Variants in FSTL4 observed in about 807,000 individuals in gnomAD.
FSTL4 encodes follistatin like 4, also known as follistatin-related protein 4.
In FSTL4, 28 loss-of-function variants were observed where a neutral mutation model predicts 78.2. The ratio of observed to expected loss-of-function variants is 0.36; its 90% CI spans 0.27 to 0.49. FSTL4 has a LOEUF of 0.49. Among genes scored for constraint, FSTL4 ranks in the 20% least tolerant of loss-of-function variants. FSTL4 has a pLI of 0.98. For missense variants in FSTL4, 922 were observed against 1,084.9 expected, an observed-to-expected ratio of 0.85 and a Z score of 2.11; for synonymous variants, 422 against 440.5, an observed-to-expected ratio of 0.96 and a Z score of 0.53.
intron 3 of FSTL4, among the ~76,000 whole-genome samples, chr5:133,502,273 A>G (rs899855574): frequency 6.6e-6 from 1 of 152,232 alleles, no homozygotes; most frequent in African/African-American, 2.4e-5. Context: ...CCCTTCAAGC[A>G]GAGAGCTTTG....
At chr5:133,494,612 C>T (rs937154457) in intron 3 of FSTL4, among the ~76,000 whole-genome samples, 3 of 152,196 alleles carry the variant, frequency 2.0e-5, no homozygotes, top group Admixed American at 1.3e-4. Context: ...GTCTTTTGAC[C>T]TTCTGGGATT....
intron 3 of FSTL4, among the ~76,000 whole-genome samples, chr5:133,493,427 T>C (rs1041003693): frequency 1.3e-5 from 2 of 152,208 alleles, no homozygotes; most frequent in East Asian, 1.9e-4. Context: ...GTGTAAGTAG[T>C]GTAAATTCAA....
At chr5:133,650,769 G>T in the FSTL4 span, among the ~76,000 whole-genome samples, 1 of 152,102 alleles carries the variant, frequency 6.6e-6, no homozygotes, top group East Asian at 1.9e-4. Context: ...GGCTATTCTG[G>T]GTCTTTTGCC....
intron 2 of FSTL4, among the ~76,000 whole-genome samples, chr5:133,601,188 G>T (rs770021895): frequency 2.2e-4 from 33 of 152,198 alleles, no homozygotes; most frequent in Non-Finnish European, 3.2e-4. Context: ...CTGATGGTCT[G>T]GTCTGAATTT....
At chr5:133,442,624 G>A (rs1317691656) in intron 3 of FSTL4, among the ~76,000 whole-genome samples, 11 of 152,194 alleles carry the variant, frequency 7.2e-5, no homozygotes, top group Admixed American at 6.5e-4. Context: ...AAATGCTCAC[G>A]CAGTGGTACA....
intron 6 of FSTL4, among the ~76,000 whole-genome samples, chr5:133,310,652 T>C (rs1753757504): frequency 6.6e-6 from 1 of 152,232 alleles, no homozygotes; most frequent in South Asian, 2.1e-4. Context: ...TCTGGGACAT[T>C]AAGTAATGAT....
At chr5:133,765,254 T>C in the FSTL4 span, among the ~76,000 whole-genome samples, 9 of 152,252 alleles carry the variant, frequency 5.9e-5, no homozygotes, top group African/African-American at 2.4e-5. Context: ...AAGGTTTCTA[T>C]TTATCATGTA....
At chr5:133,605,577 T>C (rs904019194) in intron 1 of FSTL4, among the ~76,000 whole-genome samples, 1 of 152,176 alleles carries the variant, frequency 6.6e-6, no homozygotes, top group Non-Finnish European at 1.5e-5. Context: ...CACATCCAAA[T>C]AGAGCTGCCT....
At chr5:133,700,323 A>G in the FSTL4 span, among the ~76,000 whole-genome samples, 1 of 150,800 alleles carries the variant, frequency 6.6e-6, no homozygotes, top group Non-Finnish European at 1.5e-5. Flanking sequence ...ACACCAAAAC[A>G]TCACACCAGA....
chr5:133,580,862 A>G (rs1338964942), intron 2 of FSTL4, among the ~76,000 whole-genome samples: 2 of 152,090 alleles, frequency 1.3e-5, no homozygotes, highest in East Asian at 1.9e-4. Context: ...TTACTAAGCA[A>G]TTACCCACGC....
chr5:133,271,763 T>C (rs1752770108), intron 6 of FSTL4, among the ~76,000 whole-genome samples: 1 of 152,220 alleles, frequency 6.6e-6, no homozygotes. Context: ...GAAAGATTTA[T>C]ACAATCAGAA....
At position 133,379,654 on chromosome 5, in the gene FSTL4, G is replaced by A. The variant is rs558883078; in HGVS notation, c.409+21084C>T. On this transcript the variant is annotated intron_variant, in intron 4 of 15. Coordinates refer to ENST00000265342, the MANE Select transcript of FSTL4 (RefSeq NM_015082.2). ...CAACACACACCTACATAACCAATGG[G>A]TCAAATAAGAAATTACAAGAGAAAA... 7.2e-5 allele frequency among the ~76,000 whole-genome samples: 11 copies of A among 152,230 alleles called. No homozygotes were observed. In the East Asian group the frequency reaches 1.9e-3, roughly 27 times the overall value.
intron 3 of FSTL4, among the ~76,000 whole-genome samples, chr5:133,551,567 C>T (rs769396494): frequency 2.0e-5 from 3 of 152,296 alleles, no homozygotes; most frequent in Non-Finnish European, 2.9e-5. Flanking sequence ...GCTCATGCTC[C>T]GCTGAGATGT....
At chr5:133,355,537 T>C (rs1223989525) in intron 4 of FSTL4, among the ~76,000 whole-genome samples, 2 of 152,034 alleles carry the variant, frequency 1.3e-5, no homozygotes, top group Non-Finnish European at 1.5e-5. Flanking sequence ...ATGCCTATAG[T>C]CCCAGCTACT....
At chr5:133,456,545 A>G (rs1249782809) in intron 3 of FSTL4, among the ~76,000 whole-genome samples, 1 of 152,220 alleles carries the variant, frequency 6.6e-6, no homozygotes, top group East Asian at 1.9e-4. Context: ...AGACCCAGAC[A>G]CAGGCTTTCC....
intron 3 of FSTL4, among the ~76,000 whole-genome samples, chr5:133,448,028 G>A (rs2127007883): frequency 6.6e-6 from 1 of 152,174 alleles, no homozygotes; most frequent in African/African-American, 2.4e-5. Context: ...TTGCATGTGT[G>A]AGTACACCAT....
intron 3 of FSTL4, among the ~76,000 whole-genome samples, chr5:133,417,685 T>C (rs1189821692): frequency 6.6e-6 from 1 of 152,024 alleles, no homozygotes; most frequent in Non-Finnish European, 1.5e-5. Flanking sequence ...CAGCTGGGTG[T>C]GGTGGCTCAC....
intron 4 of FSTL4, among the ~76,000 whole-genome samples, chr5:133,358,990 T>C (rs1336032933): frequency 6.6e-6 from 1 of 152,206 alleles, no homozygotes; most frequent in Admixed American, 6.5e-5. Context: ...TCAGGTCTGG[T>C]TACCCATGTG....
the FSTL4 span, among the ~76,000 whole-genome samples, chr5:133,711,880 A>G: frequency 1.3e-5 from 2 of 152,172 alleles, no homozygotes; most frequent in Non-Finnish European, 2.9e-5. Context: ...GAGTGCTGCC[A>G]TGTGCTGGGC....
Sources: gnomAD v4.1 joint callset for allele counts (sites outside exome capture counted in the v4.1 genomes callset) on GRCh38, gnomAD v4.1.1 for gene constraint, MANE v1.5 for transcripts, NCBI Gene and HGNC (gene_info 2026-07-23, HGNC 2026-07-21) for gene names.